Variants in LRRC52 observed in about 807,000 individuals in gnomAD.
LRRC52 encodes the protein leucine-rich repeat-containing protein 52.
Under a neutral mutation model 14.7 loss-of-function variants are expected in LRRC52, and 15 were observed. That is an observed-to-expected ratio of 1.02 (90% CI 0.68 to 1.58). The LOEUF (loss-of-function observed/expected upper bound fraction) is 1.58, where lower values mean the gene tolerates loss of function less well. LRRC52 is among the 40% of genes most tolerant of loss of function. LRRC52 has a pLI of 0.00. For synonymous variants in LRRC52, 180 were observed against 163.9 expected (o/e 1.10, Z -0.75); for missense variants, 400 against 387.7 (o/e 1.03, Z -0.27).
rs536848418 is a variant in LRRC52 at position 165,554,574 on chromosome 1, C to T, written c.623-8931C>T. ...TCCTCAGCATCCCCAGGAGCTGGGA[C>T]TATAAGTATGTGCCACCATGCTTAG... is the stretch of plus-strand genomic sequence containing the variant. On this transcript the variant is annotated intron_variant, in intron 1 of 1. Transcript: ENST00000294818. Among the ~76,000 whole-genome samples, 8 of 152,270 alleles carry T rather than the reference C, an allele frequency of 5.3e-5. No individual in the cohort carries two copies. In the South Asian group the frequency reaches 1.7e-3, roughly 32 times the overall value.
At chr1:165,561,652 G>C (rs918720145) in intron 1 of LRRC52, among the ~76,000 whole-genome samples, 1 of 152,254 alleles carries the variant, frequency 6.6e-6, no homozygotes, top group African/African-American at 2.4e-5. Context: ...TGTCTAGAGA[G>C]AGGCTTCTTC....
rs1467405467 is a variant in LRRC52, at chr1:165,544,512, T to A, written c.216T>A (p.His72Gln). The change falls in exon 1 of 2, where the codon CAT (histidine) becomes CAA (glutamine). Residue 72 changes from histidine (H) to glutamine (Q), a missense_variant. Transcript: ENST00000294818. The stretch of plus-strand genomic sequence containing the variant: ...GAATCACTAGTTTGCCAGCAATGCA[T>A]CTAGGACTCCTCAGTGACCTTGTTT... ...ENRITSLPAM[H>Q]LGLLSDLVYL... 6.2e-7 allele frequency: 1 copy of A among 1,614,168 alleles called. No homozygotes were observed. Among genetic ancestry groups the A allele is most frequent in the African/African-American group, 1.3e-5 (1 of 75,036 alleles).
intron 1 of LRRC52, among the ~76,000 whole-genome samples, chr1:165,545,205 G>A (rs1456393702): frequency 2.0e-5 from 3 of 152,066 alleles, no homozygotes; most frequent in African/African-American, 7.2e-5. Flanking sequence ...TCCATAAAGT[G>A]GGGACAATAA....
intron 1 of LRRC52, among the ~76,000 whole-genome samples, chr1:165,558,242 A>G (rs1201484872): frequency 6.6e-6 from 1 of 152,206 alleles, no homozygotes; most frequent in East Asian, 1.9e-4. Context: ...TTGCAATAAG[A>G]AGTTCAATAT....
Position 165,544,692 on chromosome 1 carries a change from T to C in LRRC52, c.396T>C (p.Ile132=). 1 of 1,614,066 alleles carries C rather than the reference T, an allele frequency of 6.2e-7. No homozygotes were observed. The highest frequency in any genetic ancestry group is 8.5e-7 in the Non-Finnish European group (1 of 1,180,014). The stretch of plus-strand genomic sequence containing the variant: ...TCAGCAACCTGGTGCAGCTGAACAT[T>C]GCCAACAACCCTCACCTGTTATCGC... ...SVLSNLVQLN[I]ANNPHLLSLH... is the part of the protein sequence containing the mutation. The change falls in exon 1 of 2, where the codon ATT becomes ATC. Residue 132 remains isoleucine (I), a synonymous_variant. Coordinates refer to ENST00000294818, the MANE Select transcript of LRRC52 (RefSeq NM_001005214.4).
At chr1:165,546,095 G>C (rs1222519074) in intron 1 of LRRC52, among the ~76,000 whole-genome samples, 1 of 152,100 alleles carries the variant, frequency 6.6e-6, no homozygotes, top group African/African-American at 2.4e-5. Context: ...GTGACAGTAA[G>C]TAAAAAACGT....
At chr1:165,553,874 T>C (rs1358906564) in intron 1 of LRRC52, among the ~76,000 whole-genome samples, 1 of 152,200 alleles carries the variant, frequency 6.6e-6, no homozygotes, top group Non-Finnish European at 1.5e-5. Context: ...ATCTATAAAG[T>C]ACACATTTTC....
chr1:165,563,623 C>T lies in LRRC52; in HGVS notation c.741C>T (p.Phe247=), dbSNP rs757778317. The T allele has an allele frequency of 4.3e-6, 7 of 1,614,152 alleles. No homozygotes were observed. The East Asian group carries it at 8.9e-5, about 21-fold the overall frequency. The change falls in exon 2 of 2, where the codon TTC becomes TTT. Residue 247 remains phenylalanine, a synonymous_variant. Transcript: ENST00000294818. ...ACCTGGACCACAAAGACTACATCTT[C>T]CTGCTGCTCATCGGCTTCTGCATCT... The part of the protein sequence containing the change: ...ITHLDHKDYI[F]LLLIGFCIFA...
At chr1:165,558,857 T>C (rs1169209599) in intron 1 of LRRC52, among the ~76,000 whole-genome samples, 1 of 152,172 alleles carries the variant, frequency 6.6e-6, no homozygotes, top group East Asian at 1.9e-4. Context: ...TACAAAAATA[T>C]ACCTTAAATA....
In LRRC52 at chr1:165,563,714, C is replaced by T. The variant is rs1358092480; in HGVS notation, c.832C>T (p.His278Tyr). The T allele has an allele frequency of 1.9e-6, 3 of 1,614,226 alleles. No individual in the cohort carries two copies. The South Asian group carries it at 3.3e-5, about 18-fold the overall frequency. Residue 278 changes from histidine to tyrosine, a missense_variant, in exon 2 of 2, where the codon CAC (histidine) becomes TAC (tyrosine). Coordinates refer to ENST00000294818, the MANE Select transcript of LRRC52 (RefSeq NM_001005214.4). ...TGCTGTGCTCTACCAGAACACCCGC[C>T]ACAAGTCGAGTGAAGAAGATGAGGA... Reference protein sequence around the residue: ...VCAVLYQNTRHKSSEEDEDEA... With the variant: ...VCAVLYQNTRYKSSEEDEDEA...
Position 165,544,056 on chromosome 1 carries a change from C to G in LRRC52, c.-241C>G. ...AGACCTTTCAAAGCTGCCAAGTGGG[C>G]AAGCTTCCAGCAGCAGTCTGGGAGC... On this transcript the variant is annotated 5_prime_UTR_variant, in exon 1 of 2. Coordinates refer to ENST00000294818, the MANE Select transcript of LRRC52 (RefSeq NM_001005214.4). 1 of 560,554 alleles carries G rather than the reference C, an allele frequency of 1.8e-6. No individual in the cohort carries two copies. The allele number at this position is 560,554 out of a possible 1,614,324, so 34.7% of individuals were successfully genotyped here.
chr1:165,563,383 C>A, intron 1 of LRRC52, 122 bp from the exon 2 acceptor site: 1 of 803,436 alleles, frequency 1.2e-6, no homozygotes, highest in Non-Finnish European at 1.9e-6. Context: ...GTCGATGCTG[C>A]TGGCCCACAG....
Position 165,544,226 on chromosome 1 carries a change from C to CCCCCGCG in LRRC52, c.-71_-70insCCCCGCG. The CCCCCGCG allele has an allele frequency of 3.6e-6, 2 of 560,352 alleles. No homozygotes were observed. The highest frequency in any genetic ancestry group is 6.1e-6 in the Non-Finnish European group (2 of 326,448). 34.7% of individuals were successfully genotyped at this position (560,352 alleles called of 1,614,324 possible). On this transcript the variant is annotated 5_prime_UTR_variant, in exon 1 of 2. Transcript: ENST00000294818. The stretch of plus-strand genomic sequence containing the variant: ...GAGCCCCTCCCCCGCCCCACCCCCC[C>CCCCCGCG]ACCGGCAGCCTTCGGATCAGAGGAC...
intron 1 of LRRC52, among the ~76,000 whole-genome samples, chr1:165,555,503 G>T (rs1370724694): frequency 6.6e-6 from 1 of 152,156 alleles, no homozygotes; most frequent in Non-Finnish European, 1.5e-5. Context: ...TAAGTGTGAT[G>T]GGAAGTCATG....
Position 165,554,539 on chromosome 1 carries a change from G to C in LRRC52, c.623-8966G>C, listed in dbSNP as rs1337447. Among the ~76,000 whole-genome samples the C allele has an allele frequency of 7.6e-3, 1,153 of 152,220 alleles. 18 individuals carry two copies. The highest frequency in any genetic ancestry group is 0.041 in the Admixed American group (626 of 15,304). On this transcript the variant is annotated intron_variant, in intron 1 of 1. Coordinates refer to ENST00000294818, the MANE Select transcript of LRRC52 (RefSeq NM_001005214.4). ...GCTCACTGCAGCCTTGACTTACCAG[G>C]CTGGGGTGATCCTCAGCATCCCCAG...
Position 165,563,842 on chromosome 1 carries a change from C to T in LRRC52, c.*18C>T, listed in dbSNP as rs753028616. The T allele has an allele frequency of 3.1e-6, 5 of 1,605,496 alleles. No individual in the cohort carries two copies. The highest frequency in any genetic ancestry group is 2.2e-5 in the East Asian group (1 of 44,798). ...TTATTTAGTTGCCAGAGACCACTAT[C>T]TTATGTGCCTCCCCCAGGCTCCCTG... is the stretch of plus-strand genomic sequence containing the variant. On this transcript the variant is annotated 3_prime_UTR_variant, in exon 2 of 2. Transcript: ENST00000294818.
chr1:165,556,212 T>C (rs1661230132), intron 1 of LRRC52, among the ~76,000 whole-genome samples: 1 of 152,240 alleles, frequency 6.6e-6, no homozygotes, highest in Admixed American at 6.5e-5. Context: ...GCTTTTTGCC[T>C]CTGAATCATG....
At chr1:165,559,545 A>T (rs1205426162) in intron 1 of LRRC52, among the ~76,000 whole-genome samples, 1 of 152,216 alleles carries the variant, frequency 6.6e-6, no homozygotes, top group Non-Finnish European at 1.5e-5. Context: ...AAAGTCAATA[A>T]GGGTATAGAA....
chr1:165,544,948 G>T (rs200066724), intron 1 of LRRC52, 30 bp downstream of exon 1: 401 of 1,603,012 alleles, frequency 2.5e-4, no homozygotes, highest in Non-Finnish European at 1.9e-4. Context: ...TGGGGAAGAG[G>T]ATGTGATTGA....
Sources: gnomAD v4.1 joint callset for allele counts (sites outside exome capture counted in the v4.1 genomes callset) on GRCh38, gnomAD v4.1.1 for gene constraint, MANE v1.5 for transcripts, NCBI Gene and HGNC (gene_info 2026-07-23, HGNC 2026-07-21) for gene names.